The following TRAF2 variants were observed in gnomAD, a reference collection of about 807,000 sequenced individuals.
The protein encoded by TRAF2 is TNF receptor associated factor 2.
In TRAF2, 6 loss-of-function variants were observed where a neutral mutation model predicts 55.6. That is an observed-to-expected ratio of 0.11 (90% CI 0.06 to 0.21). TRAF2 has a LOEUF of 0.21. TRAF2 is among the 10% of genes least tolerant of loss of function. The probability of loss-of-function intolerance (pLI) is 1.00; values close to 1 mark genes in which losing one functional copy is unlikely to be tolerated. For synonymous variants in TRAF2, 329 were observed against 276.3 expected, an observed-to-expected ratio of 1.19 and a Z score of -1.89; for missense variants, 561 against 684.5, an observed-to-expected ratio of 0.82 and a Z score of 2.01.
In TRAF2 at chr9:136,908,249, G is replaced by A; in HGVS notation, c.528+18G>A. ...ACGTGAAGGTGCGTGGGGTGGAGCA[G>A]CAGCCTGTGTGGCTGCAGCCATGCG... On this transcript the variant is annotated intron_variant, in intron 5 of 10. Transcript: ENST00000247668. 6.4e-7 allele frequency: 1 copy of A among 1,551,356 alleles called. No individual in the cohort carries two copies. The highest frequency in any genetic ancestry group is 8.6e-7 in the Non-Finnish European group (1 of 1,156,674).
chr9:136,905,813 A>G (rs1849934599), intron 4 of TRAF2, among the ~76,000 whole-genome samples: 1 of 152,104 alleles, frequency 6.6e-6, no homozygotes, highest in Non-Finnish European at 1.5e-5. Flanking sequence ...CCTGGGTAAG[A>G]TGGCTCTACC....
chr9:136,890,551 T>C (rs530597202), intron 1 of TRAF2: 1 of 152,352 alleles, frequency 6.6e-6, no homozygotes, highest in Non-Finnish European at 1.5e-5. Context: ...TGGTAAGTGC[T>C]AGGCACAGTG....
At chr9:136,916,230 C>T (rs1489455104) in intron 6 of TRAF2, among the ~76,000 whole-genome samples, 1 of 150,434 alleles carries the variant, frequency 6.6e-6, no homozygotes, top group African/African-American at 2.4e-5. Context: ...GAGGCCTCAG[C>T]ACCGCATGTC....
At chr9:136,919,212 C>T (rs1850322716) in intron 7 of TRAF2, among the ~76,000 whole-genome samples, 1 of 151,674 alleles carries the variant, frequency 6.6e-6, no homozygotes, top group African/African-American at 2.4e-5. Flanking sequence ...AGACATGTGC[C>T]ACCATGCCCA....
At chr9:136,923,055 T>A (rs1588446211) in intron 9 of TRAF2, among the ~76,000 whole-genome samples, 1 of 152,284 alleles carries the variant, frequency 6.6e-6, no homozygotes, top group East Asian at 1.9e-4. Context: ...GTCATGTGAC[T>A]TGGAAAGCAG....
At chr9:136,902,802 C>T (rs767006744) in intron 4 of TRAF2, among the ~76,000 whole-genome samples, 3 of 152,108 alleles carry the variant, frequency 2.0e-5, no homozygotes, top group Non-Finnish European at 4.4e-5. Flanking sequence ...TCCGGGTGCT[C>T]GGAGTGTGCT....
intron 10 of TRAF2, among the ~76,000 whole-genome samples, chr9:136,924,962 C>CG (rs1481503190): frequency 6.6e-6 from 1 of 152,218 alleles, no homozygotes; most frequent in Non-Finnish European, 1.5e-5. Context: ...TGGTCTTGAT[C>CG]TCCTGACCTT....
At chr9:136,924,803 G>GCA (rs1471668239) in intron 10 of TRAF2, among the ~76,000 whole-genome samples, 44 of 152,034 alleles carry the variant, frequency 2.9e-4, no homozygotes, top group African/African-American at 9.9e-4. Context: ...GCAGTGGCAT[G>GCA]ATCTCGGCTC....
intron 1 of TRAF2, among the ~76,000 whole-genome samples, chr9:136,894,153 TCTC>T (rs1254710421): frequency 2.7e-5 from 4 of 150,760 alleles, no homozygotes; most frequent in East Asian, 2.0e-4. Flanking sequence ...TTCAAGCAAT[TCTC>T]CTGCTTCAGC....
intron 6 of TRAF2, 47 bp from the exon 7 acceptor site, chr9:136,916,494 T>C (rs1467498117): frequency 1.1e-5 from 17 of 1,587,926 alleles, no homozygotes; most frequent in Non-Finnish European, 1.5e-5. Flanking sequence ...AGTGCTGAAA[T>C]GCATCAGAAC....
intron 9 of TRAF2, among the ~76,000 whole-genome samples, chr9:136,921,954 C>CT (rs966177184): frequency 6.6e-5 from 10 of 152,240 alleles, no homozygotes; most frequent in Non-Finnish European, 1.3e-4. Context: ...TGCCATGGCT[C>CT]AGAACACGCC....
At position 136,898,700 on chromosome 9, in the gene TRAF2, T is replaced by A. The variant is rs757507657; in HGVS notation, c.-28-13T>A. The A allele has an allele frequency of 6.2e-7, 1 of 1,611,650 alleles. No homozygotes were observed. Among genetic ancestry groups the A allele is most frequent in the South Asian group, 1.1e-5 (1 of 91,034 alleles). Reference sequence around the variant, plus strand: ...TGGAATTGAGGTGTAACGTGCTGTGTGTTCTTCCTTAGGGCTTTGTTCGCG... The same window carrying A: ...TGGAATTGAGGTGTAACGTGCTGTGAGTTCTTCCTTAGGGCTTTGTTCGCG... On this transcript the variant is annotated splice_polypyrimidine_tract_variant and intron_variant, in intron 1 of 10. Transcript: ENST00000247668.
chr9:136,908,992 T>C (rs1210932160), intron 5 of TRAF2, among the ~76,000 whole-genome samples: 1 of 149,182 alleles, frequency 6.7e-6, no homozygotes, highest in African/African-American at 2.5e-5. Flanking sequence ...GAGCCAAGAC[T>C]GCACCACTGC....
intron 4 of TRAF2, among the ~76,000 whole-genome samples, chr9:136,901,725 G>A (rs958947939): frequency 1.3e-5 from 2 of 152,198 alleles, no homozygotes; most frequent in African/African-American, 2.4e-5. Flanking sequence ...TCTGCACTTA[G>A]GGGAGCTTCC....
In TRAF2 at chr9:136,921,171, G is replaced by A. The variant is rs775158129; in HGVS notation, c.1094G>A (p.Arg365His). 3.7e-6 allele frequency: 6 copies of A among 1,614,004 alleles called. No homozygotes were observed. The highest frequency in any genetic ancestry group is 3.3e-4 in the Middle Eastern group (2 of 6,062). ...AAGATCTCAGACTTCGCCAGGAAGC[G>A]CCAGGAAGCTGTGGCTGGCCGCATA... ...IWKISDFARKRQEAVAGRIPA... is the reference protein window; with the variant it reads ...IWKISDFARKHQEAVAGRIPA... The change falls in exon 9 of 11, where the codon CGC (arginine) becomes CAC (histidine). Residue 365 changes from arginine (R) to histidine (H), a missense_variant. By Grantham distance (29) the Arg-to-His change is conservative. Transcript: ENST00000247668.
At chr9:136,916,878 G>T (rs182967578) in intron 7 of TRAF2, among the ~76,000 whole-genome samples, 6 of 152,214 alleles carry the variant, frequency 3.9e-5, no homozygotes, top group Admixed American at 1.3e-4. Flanking sequence ...CCCACCTGTC[G>T]CCTTGAGCCT....
At position 136,886,520 on chromosome 9, in the gene TRAF2, C is replaced by G. The variant is rs1199725351; in HGVS notation, c.-50C>G. The G allele has an allele frequency of 4.0e-6, 4 of 990,864 alleles. No homozygotes were observed. The highest frequency in any genetic ancestry group is 4.8e-6 in the Non-Finnish European group (4 of 833,864). 61.4% of individuals were successfully genotyped at this position (990,864 alleles called of 1,614,324 possible). The stretch of plus-strand genomic sequence containing the variant: ...GCGGTAGCTGGGCGGGCCCTTAGTT[C>G]CGGGCGCGCTGCGACCGTTGGGTGA... On this transcript the variant is annotated 5_prime_UTR_variant, in exon 1 of 11. Coordinates refer to ENST00000247668, the MANE Select transcript of TRAF2 (RefSeq NM_021138.4).
intron 9 of TRAF2, 36 bp downstream of exon 9, chr9:136,921,251 T>G (rs772897566): frequency 1.2e-6 from 2 of 1,610,282 alleles, no homozygotes; most frequent in Admixed American, 3.3e-5. Flanking sequence ...CTGCAGCTGC[T>G]GTTTACTTGG....
chr9:136,889,485 C>T (rs1194745793), intron 1 of TRAF2: 7 of 152,018 alleles, frequency 4.6e-5, no homozygotes, highest in Non-Finnish European at 1.0e-4. Context: ...GGTTTCTCCA[C>T]TTTGGTGAGG....
Sources: allele counts gnomAD v4.1 joint callset (sites outside exome capture counted in the v4.1 genomes callset), GRCh38; gene constraint gnomAD v4.1.1; transcripts MANE v1.5; gene names NCBI Gene and HGNC (gene_info 2026-07-23, HGNC 2026-07-21).